NKAIN3: variants seen among roughly 807,000 people sequenced by gnomAD.
NKAIN3 encodes sodium/potassium-transporting ATPase subunit beta-1-interacting protein 3.
Under a neutral mutation model 30.2 loss-of-function variants are expected in NKAIN3, and 25 were observed. The ratio of observed to expected loss-of-function variants is 0.83; its 90% confidence interval spans 0.60 to 1.16. The LOEUF (loss-of-function observed/expected upper bound fraction) is 1.16, where lower values mean the gene tolerates loss of function less well. Ranked by LOEUF, NKAIN3 falls within the 50% of genes most tolerant of loss-of-function variation. The probability of loss-of-function intolerance (pLI) is 0.00; values close to 1 mark genes in which losing one functional copy is unlikely to be tolerated. For synonymous variants in NKAIN3, 91 were observed against 89.6 expected (o/e 1.02, Z -0.09); for missense variants, 225 against 254.1 (o/e 0.89, Z 0.78).
At chr8:62,707,178 G>T (rs1197263983) in intron 3 of NKAIN3, among the ~76,000 whole-genome samples, 1 of 152,018 alleles carries the variant, frequency 6.6e-6, no homozygotes, top group East Asian at 1.9e-4. Flanking sequence ...GAATTGTGCT[G>T]CTATAAATAG....
intron 5 of NKAIN3, among the ~76,000 whole-genome samples, chr8:62,934,379 TAA>T (rs5891885): frequency 0.69 from 104,293 of 150,808 alleles, 36,581 homozygotes; most frequent in African/African-American, 0.83. Context: ...CCCTGTCTCT[TAA>T]AAAAAAAAAA....
At chr8:62,703,376 T>C (rs1814405741) in intron 3 of NKAIN3, among the ~76,000 whole-genome samples, 1 of 152,200 alleles carries the variant, frequency 6.6e-6, no homozygotes, top group South Asian at 2.1e-4. Context: ...GCAAGATAAT[T>C]ATTAAAGCTA....
intron 4 of NKAIN3, among the ~76,000 whole-genome samples, chr8:62,885,411 T>C (rs1821114817): frequency 6.6e-6 from 1 of 152,220 alleles, no homozygotes; most frequent in African/African-American, 2.4e-5. Context: ...ATTTGTTCTT[T>C]CCTGCTGAAT....
chr8:62,581,586 G>A (rs1446241844), intron 2 of NKAIN3, among the ~76,000 whole-genome samples: 1 of 151,996 alleles, frequency 6.6e-6, no homozygotes, highest in Non-Finnish European at 1.5e-5. Context: ...CTTCCAATTT[G>A]CTCTTTGTAC....
chr8:62,772,317 C>G (rs188304867), intron 4 of NKAIN3, among the ~76,000 whole-genome samples: 1 of 152,294 alleles, frequency 6.6e-6, no homozygotes, highest in East Asian at 1.9e-4. Flanking sequence ...TGTTGATAGA[C>G]ACTTTGTTGC....
At chr8:62,487,490 T>G (rs1335366923) in intron 1 of NKAIN3, among the ~76,000 whole-genome samples, 1 of 152,218 alleles carries the variant, frequency 6.6e-6, no homozygotes, top group African/African-American at 2.4e-5. Flanking sequence ...CTTCTTTTTA[T>G]TTTTAAAAGT....
At position 62,873,494 on chromosome 8, in the gene NKAIN3, G is replaced by A. The variant is rs146710327; in HGVS notation, c.472-44959G>A. On this transcript the variant is annotated intron_variant, in intron 4 of 6. Coordinates refer to ENST00000623646, the MANE Select transcript of NKAIN3 (RefSeq NM_001304533.3). ...AACTCTGGATCAAATGGATCTAGTA[G>A]ACGTCTGCAGAATTCTCTACCCCAA... Among the ~76,000 whole-genome samples, 478 of 147,304 alleles carry A rather than the reference G, an allele frequency of 3.2e-3. 5 individuals carry two copies. Among genetic ancestry groups the A allele is most frequent in the Admixed American group, 0.025 (355 of 14,480 alleles).
chr8:62,891,764 T>A (rs1352795772), intron 4 of NKAIN3, among the ~76,000 whole-genome samples: 1 of 152,188 alleles, frequency 6.6e-6, no homozygotes, highest in African/African-American at 2.4e-5. Context: ...CCACAAGATA[T>A]AGTTTCAGCC....
intron 1 of NKAIN3, among the ~76,000 whole-genome samples, chr8:62,335,303 G>A (rs568696351): frequency 2.6e-5 from 4 of 151,906 alleles, no homozygotes; most frequent in Non-Finnish European, 5.9e-5. Flanking sequence ...ACTCATGCCT[G>A]TTATTACAGC....
intron 4 of NKAIN3, among the ~76,000 whole-genome samples, chr8:62,765,440 G>T (rs1563552335): frequency 1.3e-5 from 2 of 152,052 alleles, no homozygotes. Context: ...TCAGATTGAT[G>T]GAAAGGACCT....
intron 1 of NKAIN3, among the ~76,000 whole-genome samples, chr8:62,508,326 A>C (rs767012590): frequency 6.6e-6 from 1 of 152,130 alleles, no homozygotes; most frequent in Non-Finnish European, 1.5e-5. Context: ...CATTTCAAAC[A>C]ATTTGCTTTA....
intron 4 of NKAIN3, among the ~76,000 whole-genome samples, chr8:62,809,891 G>T (rs1166692669): frequency 1.3e-5 from 2 of 152,158 alleles, no homozygotes; most frequent in Admixed American, 6.6e-5. Context: ...TGCCTCTAGA[G>T]TCAATATTAT....
At chr8:62,889,492 A>G (rs1821240149) in intron 4 of NKAIN3, among the ~76,000 whole-genome samples, 1 of 152,238 alleles carries the variant, frequency 6.6e-6, no homozygotes, top group Non-Finnish European at 1.5e-5. Context: ...AGGATGAGAG[A>G]TAGTAAATAG....
chr8:62,896,918 A>T lies in NKAIN3; in HGVS notation c.472-21535A>T, dbSNP rs547833046. On this transcript the variant is annotated intron_variant, in intron 4 of 6. Transcript: ENST00000623646. ...TGCAATGAATTAAGCAAGGAATGAA[A>T]AACAGAGGAGAAGAGGCAGCTGATA... 9.8e-5 allele frequency among the ~76,000 whole-genome samples: 15 copies of T among 152,336 alleles called. No homozygotes were observed. The South Asian group carries it at 1.9e-3, about 19-fold the overall frequency.
rs1358316472 is a variant in NKAIN3, at chr8:62,953,458, G to T, written c.533-444G>T. Among the ~76,000 whole-genome samples the T allele has an allele frequency of 3.3e-5, 5 of 152,306 alleles. No individual in the cohort carries two copies. The East Asian group carries it at 5.8e-4, about 18-fold the overall frequency. ...GCCGATTTTTGGGGAGTGGCTTGGG[G>T]ACAGAAGGCATTGGAGATAGATTGT... On this transcript the variant is annotated intron_variant, in intron 5 of 6. Transcript: ENST00000623646.
intron 1 of NKAIN3, among the ~76,000 whole-genome samples, chr8:62,305,356 T>C (rs1814196453): frequency 6.6e-6 from 1 of 150,380 alleles, no homozygotes; most frequent in Non-Finnish European, 1.5e-5. Context: ...AGTTAGGGAA[T>C]TCCATAACGC....
intron 4 of NKAIN3, among the ~76,000 whole-genome samples, chr8:62,789,075 C>T (rs1227740318): frequency 6.6e-6 from 1 of 151,966 alleles, no homozygotes; most frequent in African/African-American, 2.4e-5. Context: ...TGAAGAAAGT[C>T]ATTGGTAGCT....
At chr8:62,823,016 A>AT (rs1464781337) in intron 4 of NKAIN3, among the ~76,000 whole-genome samples, 4 of 152,182 alleles carry the variant, frequency 2.6e-5, no homozygotes, top group Non-Finnish European at 5.9e-5. Flanking sequence ...GGTATAAAAG[A>AT]TTTAAAATGG....
intron 3 of NKAIN3, among the ~76,000 whole-genome samples, chr8:62,693,405 A>G (rs1276420545): frequency 6.6e-6 from 1 of 152,182 alleles, no homozygotes; most frequent in East Asian, 1.9e-4. Flanking sequence ...CTTTTTATGC[A>G]CTAGACCCAG....
Sources: allele counts gnomAD v4.1 joint callset (sites outside exome capture counted in the v4.1 genomes callset), GRCh38; gene constraint gnomAD v4.1.1; transcripts MANE v1.5; gene names NCBI Gene and HGNC (gene_info 2026-07-23, HGNC 2026-07-21).